The following CCSER1 variants were observed in gnomAD, a reference collection of about 807,000 sequenced individuals.
CCSER1 encodes the protein serine-rich coiled-coil domain-containing protein 1.
In CCSER1, 41 loss-of-function variants were observed where a neutral mutation model predicts 82.0. The observed-to-expected ratio is 0.50, with a 90% CI of 0.39 to 0.65. The LOEUF (loss-of-function observed/expected upper bound fraction) is 0.65, where lower values mean the gene tolerates loss of function less well. Among genes scored for constraint, CCSER1 ranks in the 30% least tolerant of loss-of-function variants. The pLI is 0.00. For synonymous variants in CCSER1, 414 were observed against 383.9 expected (o/e 1.08, Z -0.92); for missense variants, 1,119 against 1,064.2 (o/e 1.05, Z -0.72).
At chr4:90,651,689 A>G (rs147474961) in intron 6 of CCSER1, among the ~76,000 whole-genome samples, 1 of 21,290 alleles carries the variant, frequency 4.7e-5, no homozygotes. Flanking sequence ...AAGTATAATT[A>G]AAAAAAAAAA....
At chr4:90,229,559 G>C (rs1016162870) in intron 1 of CCSER1, among the ~76,000 whole-genome samples, 1 of 151,736 alleles carries the variant, frequency 6.6e-6, no homozygotes, top group African/African-American at 2.4e-5. Context: ...GAAACTGCAT[G>C]AACTAATGAG....
intron 7 of CCSER1, among the ~76,000 whole-genome samples, chr4:90,732,519 C>A (rs76617742): frequency 0.19 from 29,636 of 152,044 alleles, 3,368 homozygotes; most frequent in South Asian, 0.27. Context: ...TCTAAACTCC[C>A]AGAAGAAATC....
chr4:90,602,503 A>G (rs1035646986), intron 5 of CCSER1, among the ~76,000 whole-genome samples: 1 of 152,146 alleles, frequency 6.6e-6, no homozygotes, highest in African/African-American at 2.4e-5. Context: ...TTCACCCAAT[A>G]TCCATCTTAG....
At chr4:90,545,417 C>A (rs1776637074) in intron 5 of CCSER1, among the ~76,000 whole-genome samples, 1 of 152,028 alleles carries the variant, frequency 6.6e-6, no homozygotes, top group African/African-American at 2.4e-5. Flanking sequence ...TTAACAAAAC[C>A]TAACCATGAT....
chr4:90,701,332 C>T (rs1738073161), intron 6 of CCSER1, among the ~76,000 whole-genome samples: 1 of 152,106 alleles, frequency 6.6e-6, no homozygotes, highest in African/African-American at 2.4e-5. Context: ...TGTTCTGTTC[C>T]ATTAGTCTGG....
At chr4:91,350,924 C>T (rs1025953865) in intron 10 of CCSER1, among the ~76,000 whole-genome samples, 5 of 151,806 alleles carry the variant, frequency 3.3e-5, no homozygotes, top group Non-Finnish European at 5.9e-5. Flanking sequence ...TTATTTTATA[C>T]GGGGAGTAAA....
rs34117865 is a variant in CCSER1 at position 90,811,969 on chromosome 4, CATATAT to C, written c.2011-3777_2011-3772del. Among the ~76,000 whole-genome samples the C allele has an allele frequency of 5.8e-3, 766 of 131,776 alleles. 6 individuals are homozygous for C. The highest frequency in any genetic ancestry group is 0.019 in the African/African-American group (653 of 35,006). 86.5% of individuals were successfully genotyped at this position (131,776 alleles called of 152,430 possible). ...CTTAATAAACTCACATATATATACA[CATATAT>C]ATATATATATATATAAACACATATA... On this transcript the variant is annotated intron_variant, in intron 7 of 10. Transcript: ENST00000509176.
At chr4:90,388,385 C>G (rs1268114747) in intron 3 of CCSER1, among the ~76,000 whole-genome samples, 1 of 152,096 alleles carries the variant, frequency 6.6e-6, no homozygotes, top group Admixed American at 6.5e-5. Context: ...TCTCAGCTCA[C>G]TGCAACCTTT....
rs567839453 is a variant in CCSER1, at chr4:91,216,549, T to A, written c.2217+130555T>A. Among the ~76,000 whole-genome samples the A allele has an allele frequency of 2.6e-5, 4 of 152,246 alleles. No homozygotes were observed. The East Asian group carries it at 7.8e-4, about 30-fold the overall frequency. Reference sequence around the variant, plus strand: ...GTTAGCCAGGATGGTCTCCATCTCCTGACTTCGTGATCCACCCATCTCGGC... The same window carrying A: ...GTTAGCCAGGATGGTCTCCATCTCCAGACTTCGTGATCCACCCATCTCGGC... On this transcript the variant is annotated intron_variant, in intron 10 of 10. Coordinates refer to ENST00000509176, the MANE Select transcript of CCSER1 (RefSeq NM_001145065.2).
chr4:90,436,054 T>C (rs1369477436), intron 4 of CCSER1, among the ~76,000 whole-genome samples: 2 of 152,128 alleles, frequency 1.3e-5, no homozygotes, highest in Non-Finnish European at 2.9e-5. Flanking sequence ...CATGATATTA[T>C]AAATTACTAG....
At chr4:91,215,255 T>C (rs887587496) in intron 10 of CCSER1, among the ~76,000 whole-genome samples, 1 of 152,154 alleles carries the variant, frequency 6.6e-6, no homozygotes, top group South Asian at 2.1e-4. Flanking sequence ...AGCTGATAAA[T>C]AGTGTTTGTA....
intron 5 of CCSER1, among the ~76,000 whole-genome samples, chr4:90,607,999 T>A (rs1784958087): frequency 6.6e-6 from 1 of 152,206 alleles, no homozygotes; most frequent in South Asian, 2.1e-4. Context: ...ACAACTATAT[T>A]TAGTAATGTT....
chr4:90,733,466 T>G (rs919258974), intron 7 of CCSER1, among the ~76,000 whole-genome samples: 1 of 152,182 alleles, frequency 6.6e-6, no homozygotes, highest in African/African-American at 2.4e-5. Flanking sequence ...TTCAAACATT[T>G]TCTCCCGTTC....
intron 9 of CCSER1, among the ~76,000 whole-genome samples, chr4:91,058,725 CTT>C (rs1269214603): frequency 6.6e-6 from 1 of 151,920 alleles, no homozygotes; most frequent in Non-Finnish European, 1.5e-5. Context: ...AATCCCTAAA[CTT>C]ATATTATTTT....
intron 10 of CCSER1, among the ~76,000 whole-genome samples, chr4:91,573,343 A>C (rs2110290951): frequency 6.6e-6 from 1 of 152,312 alleles, no homozygotes; most frequent in East Asian, 1.9e-4. Context: ...TAAATCCTGC[A>C]GGCTGTCACT....
intron 5 of CCSER1, among the ~76,000 whole-genome samples, chr4:90,514,253 C>G (rs1304063312): frequency 3.3e-5 from 5 of 152,004 alleles, no homozygotes; most frequent in African/African-American, 4.8e-5. Flanking sequence ...TATATATTTT[C>G]TAATACAATT....
chr4:90,622,337 G>A (rs1016082720), intron 5 of CCSER1, among the ~76,000 whole-genome samples: 4 of 152,120 alleles, frequency 2.6e-5, no homozygotes, highest in Non-Finnish European at 5.9e-5. Flanking sequence ...TGTTACATAT[G>A]TATACATGTG....
chr4:90,545,600 T>A (rs10032834), intron 5 of CCSER1, among the ~76,000 whole-genome samples: 2 of 151,870 alleles, frequency 1.3e-5, no homozygotes, highest in Admixed American at 6.6e-5. Context: ...AATACACTTA[T>A]ATTTTTAGCC....
At chr4:91,577,888 A>G (rs1763525278) in intron 10 of CCSER1, among the ~76,000 whole-genome samples, 1 of 151,998 alleles carries the variant, frequency 6.6e-6, no homozygotes, top group Admixed American at 6.6e-5. Flanking sequence ...AGACAAAACT[A>G]TATGTTGAAA....
Sources: gnomAD v4.1 joint callset for allele counts (sites outside exome capture counted in the v4.1 genomes callset) on GRCh38, gnomAD v4.1.1 for gene constraint, MANE v1.5 for transcripts, NCBI Gene and HGNC (gene_info 2026-07-23, HGNC 2026-07-21) for gene names.